KATNIP: variants seen among roughly 807,000 people sequenced by gnomAD.
The protein encoded by KATNIP is katanin interacting protein.
A neutral mutation model predicts 174.0 loss-of-function variants in KATNIP; 126 were observed. That is an observed-to-expected ratio of 0.72 (90% CI 0.63 to 0.84). The LOEUF is 0.84. KATNIP is among the 40% of genes least tolerant of loss of function. The probability of loss-of-function intolerance (pLI) is 0.00; values close to 1 mark genes in which losing one functional copy is unlikely to be tolerated. For missense variants in KATNIP, 1,958 were observed against 2,109.7 expected, an observed-to-expected ratio of 0.93 and a Z score of 1.41; for synonymous variants, 810 against 835.7, an observed-to-expected ratio of 0.97 and a Z score of 0.53.
intron 2 of KATNIP, among the ~76,000 whole-genome samples, chr16:27,587,454 T>C (rs1489646444): frequency 1.3e-5 from 2 of 152,170 alleles, no homozygotes. Flanking sequence ...GTCAAGAAAT[T>C]AGAAAATGCA....
intron 1 of KATNIP, among the ~76,000 whole-genome samples, chr16:27,566,436 T>C (rs961293796): frequency 6.6e-6 from 1 of 151,950 alleles, no homozygotes; most frequent in Non-Finnish European, 1.5e-5. Context: ...CTTGGGAGAC[T>C]GAGGCAGGAG....
chr16:27,599,958 C>T (rs79638836), intron 2 of KATNIP, among the ~76,000 whole-genome samples: 1,812 of 152,288 alleles, frequency 0.012, 48 homozygotes, highest in African/African-American at 0.041. Context: ...CACAATTAAC[C>T]CATTCATCCT....
intron 6 of KATNIP, among the ~76,000 whole-genome samples, chr16:27,655,169 C>A (rs2077227422): frequency 1.7e-5 from 2 of 116,218 alleles, no homozygotes; most frequent in Non-Finnish European, 3.5e-5. Flanking sequence ...CTGCTACCCC[C>A]TAGAATGGAT....
chr16:27,561,043 G>A (rs528293131), intron 1 of KATNIP, among the ~76,000 whole-genome samples: 3 of 150,708 alleles, frequency 2.0e-5, no homozygotes, highest in African/African-American at 4.9e-5. Context: ...ACAGAGTCTC[G>A]CTGTGTCACC....
At chr16:27,552,454 A>G (rs1306359878) in intron 1 of KATNIP, among the ~76,000 whole-genome samples, 1 of 149,982 alleles carries the variant, frequency 6.7e-6, no homozygotes, top group East Asian at 1.9e-4. Context: ...AGCTCACTGC[A>G]ACCTCTGCCT....
intron 5 of KATNIP, among the ~76,000 whole-genome samples, chr16:27,638,439 TG>T (rs1458107462): frequency 6.6e-6 from 1 of 152,162 alleles, no homozygotes; most frequent in African/African-American, 2.4e-5. Context: ...GACAGAGTCT[TG>T]GGTCCATGGG....
At chr16:27,616,275 G>A (rs1345561821) in intron 2 of KATNIP, among the ~76,000 whole-genome samples, 5 of 152,320 alleles carry the variant, frequency 3.3e-5, no homozygotes, top group Admixed American at 1.3e-4. Flanking sequence ...AGGAGGCTGA[G>A]GCAGGAGAAT....
At chr16:27,754,711 A>G (rs903364653) in intron 18 of KATNIP, 1 of 154,932 alleles carries the variant, frequency 6.5e-6, no homozygotes, top group African/African-American at 2.4e-5. Context: ...GGGTGGGGGC[A>G]GGTGCACAGG....
chr16:27,609,900 C>T (rs1596913276), intron 2 of KATNIP, among the ~76,000 whole-genome samples: 1 of 152,204 alleles, frequency 6.6e-6, no homozygotes, highest in Non-Finnish European at 1.5e-5. Flanking sequence ...CCATGTTGGC[C>T]AGTGGGTTAA....
intron 14 of KATNIP, among the ~76,000 whole-genome samples, chr16:27,738,728 C>T (rs2080991445): frequency 6.6e-6 from 1 of 152,202 alleles, no homozygotes; most frequent in Non-Finnish European, 1.5e-5. Flanking sequence ...CAGAAGTTAC[C>T]TACAGGCTGC....
intron 14 of KATNIP, chr16:27,722,144 G>A (rs2080270470): frequency 6.3e-6 from 1 of 159,392 alleles, no homozygotes; most frequent in African/African-American, 2.4e-5. Flanking sequence ...AATTCAGCAG[G>A]TCTGGAGCAG....
In KATNIP at chr16:27,713,782, T is replaced by TATTA. The variant is rs1325017737; in HGVS notation, c.1605+4862_1605+4863insATTA. Among the ~76,000 whole-genome samples the TATTA allele has an allele frequency of 7.6e-4, 35 of 46,276 alleles. 3 individuals carry two copies. Among genetic ancestry groups the TATTA allele is most frequent in the African/African-American group, 1.1e-3 (15 of 13,212 alleles). The allele number at this position is 46,276 out of a possible 152,430, so 30.4% of individuals were successfully genotyped here. On this transcript the variant is annotated intron_variant, in intron 13 of 27. Transcript: ENST00000261588. ...GTGTGTATATGTATATATACACATA[T>TATTA]TATATATGTGTGTGTGTGTGTATAT...
At chr16:27,645,049 C>A (rs1057135280) in intron 5 of KATNIP, among the ~76,000 whole-genome samples, 2 of 152,206 alleles carry the variant, frequency 1.3e-5, no homozygotes, top group African/African-American at 4.8e-5. Flanking sequence ...CCTGGCCCTG[C>A]TTACTGAGTC....
intron 13 of KATNIP, among the ~76,000 whole-genome samples, chr16:27,716,851 AT>A (rs35825329): frequency 8.8e-5 from 13 of 148,352 alleles, no homozygotes; most frequent in South Asian, 4.3e-4. Flanking sequence ...TTTACGTAGC[AT>A]TTTTTTTTTT....
chr16:27,634,698 C>T (rs988514963), intron 5 of KATNIP, among the ~76,000 whole-genome samples: 5 of 152,234 alleles, frequency 3.3e-5, no homozygotes, highest in African/African-American at 1.2e-4. Context: ...ATCTATCCCC[C>T]TCCTCTCCTC....
intron 8 of KATNIP, among the ~76,000 whole-genome samples, chr16:27,693,853 T>G (rs1328706232): frequency 6.6e-6 from 1 of 152,134 alleles, no homozygotes; most frequent in Non-Finnish European, 1.5e-5. Flanking sequence ...CTGGAAGACA[T>G]TATGAACAAA....
intron 2 of KATNIP, among the ~76,000 whole-genome samples, chr16:27,609,999 G>A (rs1469167696): frequency 2.0e-5 from 3 of 152,164 alleles, no homozygotes; most frequent in Non-Finnish European, 4.4e-5. Flanking sequence ...GAGCTTGGCG[G>A]GTGTTGAGGA....
intron 18 of KATNIP, chr16:27,754,542 C>A: frequency 2.6e-6 from 1 of 380,520 alleles, no homozygotes; most frequent in Non-Finnish European, 4.8e-6. Flanking sequence ...GACCCTGACC[C>A]AGGAGGTGTA....
At chr16:27,596,006 G>T (rs147638213) in intron 2 of KATNIP, among the ~76,000 whole-genome samples, 1 of 152,168 alleles carries the variant, frequency 6.6e-6, no homozygotes, top group Non-Finnish European at 1.5e-5. Context: ...TCAAGGCCAG[G>T]TCGTGTAGGG....
Sources: gnomAD v4.1 joint callset for allele counts (sites outside exome capture counted in the v4.1 genomes callset) on GRCh38, gnomAD v4.1.1 for gene constraint, MANE v1.5 for transcripts, NCBI Gene and HGNC (gene_info 2026-07-23, HGNC 2026-07-21) for gene names.